The following TAF12 variants were observed in gnomAD, a reference collection of about 807,000 sequenced individuals.
TAF12 encodes TATA-box binding protein associated factor 12, also known as transcription initiation factor TFIID subunit 12.
A neutral mutation model predicts 20.8 loss-of-function variants in TAF12; 3 were observed. The observed-to-expected ratio is 0.14, with a 90% CI of 0.07 to 0.37. TAF12 has a LOEUF of 0.37. Among genes scored for constraint, TAF12 ranks in the 10% least tolerant of loss-of-function variants. The pLI is 1.00. For synonymous variants in TAF12, 69 were observed against 70.2 expected (o/e 0.98, Z 0.09); for missense variants, 131 against 197.9 (o/e 0.66, Z 2.03).
At chr1:28,632,402 T>C (rs889251574) in intron 1 of TAF12, among the ~76,000 whole-genome samples, 2 of 151,572 alleles carry the variant, frequency 1.3e-5, no homozygotes, top group Non-Finnish European at 2.9e-5. Flanking sequence ...CGCCATTGCA[T>C]CTACTCGGGA....
intron 4 of TAF12, among the ~76,000 whole-genome samples, chr1:28,610,553 G>A (rs1021898208): frequency 1.9e-4 from 29 of 152,108 alleles, no homozygotes; most frequent in African/African-American, 6.0e-4. Context: ...GGGCTGAAGC[G>A]ATCCTCCTGC....
At chr1:28,628,499 G>C (rs1667510832) in intron 1 of TAF12, among the ~76,000 whole-genome samples, 1 of 151,980 alleles carries the variant, frequency 6.6e-6, no homozygotes, top group African/African-American at 2.4e-5. Context: ...ATGTAGGAGA[G>C]GAATAGAGAC....
At chr1:28,609,828 C>T (rs1666792251) in intron 4 of TAF12, among the ~76,000 whole-genome samples, 2 of 151,872 alleles carry the variant, frequency 1.3e-5, no homozygotes, top group South Asian at 4.2e-4. Context: ...TCATCCATCT[C>T]CAGAACTCCC....
chr1:28,603,450 A>T lies in TAF12; in HGVS notation c.*89T>A. The T allele has an allele frequency of 1.1e-5, 9 of 815,358 alleles. No individual in the cohort carries two copies. Among genetic ancestry groups the T allele is most frequent in the African/African-American group, 1.8e-5 (1 of 55,708 alleles). 50.5% of individuals were successfully genotyped at this position (815,358 alleles called of 1,614,324 possible). On this transcript the variant is annotated 3_prime_UTR_variant, in exon 6 of 6. Transcript: ENST00000373824. ...AATATATGCTTCTCTGTAAAGCATTAAAAAAAAAAATCCAAGGATGAGATG... is the reference window on the plus strand; with the variant it reads ...AATATATGCTTCTCTGTAAAGCATTTAAAAAAAAAATCCAAGGATGAGATG...
At chr1:28,617,531 C>T (rs1447062556) in intron 3 of TAF12, among the ~76,000 whole-genome samples, 1 of 151,564 alleles carries the variant, frequency 6.6e-6, no homozygotes, top group Non-Finnish European at 1.5e-5. Flanking sequence ...TCACTGCACT[C>T]CGCCTCCCAG....
intron 1 of TAF12, among the ~76,000 whole-genome samples, chr1:28,638,945 CCAGCT>C (rs1667938073): frequency 6.6e-6 from 1 of 151,114 alleles, no homozygotes; most frequent in African/African-American, 2.4e-5. Flanking sequence ...GCGCCCGTGC[CCAGCT>C]AATTTTTTTT....
At chr1:28,626,819 A>G (rs1411673614) in intron 1 of TAF12, among the ~76,000 whole-genome samples, 1 of 151,934 alleles carries the variant, frequency 6.6e-6, no homozygotes, top group Non-Finnish European at 1.5e-5. Context: ...CTGAGGCAGG[A>G]GAATCACTTG....
chr1:28,629,300 T>C (rs1383409054), intron 1 of TAF12, among the ~76,000 whole-genome samples: 1 of 152,146 alleles, frequency 6.6e-6, no homozygotes, highest in Admixed American at 6.6e-5. Flanking sequence ...ATTTGAATTT[T>C]TTTCTCTGCA....
intron 2 of TAF12, among the ~76,000 whole-genome samples, chr1:28,619,647 G>GAA (rs56098932): frequency 3.7e-4 from 22 of 59,442 alleles, no homozygotes; most frequent in Admixed American, 6.7e-4. Context: ...AAATTCCACT[G>GAA]AAAAAAAAAA....
At chr1:28,645,824 G>A (rs1034237071), upstream of TAF12, among the ~76,000 whole-genome samples, 2 of 151,774 alleles carry the variant, frequency 1.3e-5, no homozygotes, top group African/African-American at 2.4e-5. Context: ...AAAATTAGCC[G>A]GGTGTAGTGG....
At chr1:28,603,664 T>C in intron 5 of TAF12, 90 bp from the exon 6 acceptor site, 8 of 1,359,138 alleles carry the variant, frequency 5.9e-6, no homozygotes, top group Non-Finnish European at 8.4e-6. Flanking sequence ...GGCCTCATGG[T>C]CTACACTGTA....
intron 1 of TAF12, chr1:28,623,908 C>G: frequency 1.0e-6 from 1 of 960,326 alleles, no homozygotes. Context: ...GAAGCACATT[C>G]ACCAAGTTCT....
At chr1:28,644,679 A>C (rs1199375853), upstream of TAF12, among the ~76,000 whole-genome samples, 2 of 152,254 alleles carry the variant, frequency 1.3e-5, no homozygotes, top group Non-Finnish European at 2.9e-5. Flanking sequence ...AGACTTATCT[A>C]GCTGGCTGAT....
upstream of TAF12, among the ~76,000 whole-genome samples, chr1:28,645,032 G>A (rs1026876142): frequency 6.6e-6 from 1 of 151,582 alleles, no homozygotes; most frequent in African/African-American, 2.4e-5. Flanking sequence ...CCAAGTAGAT[G>A]AATTTTCTTT....
chr1:28,629,050 G>A (rs898348214), intron 1 of TAF12, among the ~76,000 whole-genome samples: 2 of 152,220 alleles, frequency 1.3e-5, no homozygotes, highest in South Asian at 2.1e-4. Flanking sequence ...TAGCTGGGGT[G>A]ACAGAGCAAG....
upstream of TAF12, among the ~76,000 whole-genome samples, chr1:28,645,039 CTT>C (rs546596213): frequency 7.0e-5 from 10 of 143,378 alleles, no homozygotes; most frequent in Non-Finnish European, 6.2e-5. Flanking sequence ...GATGAATTTT[CTT>C]TTTTTTTTTT....
intron 1 of TAF12, among the ~76,000 whole-genome samples, chr1:28,630,727 A>T (rs886708109): frequency 6.6e-6 from 1 of 151,724 alleles, no homozygotes; most frequent in African/African-American, 2.4e-5. Context: ...AAAATGTAAA[A>T]CTTCTGCTCT....
At chr1:28,608,744 G>A (rs1301720294) in intron 4 of TAF12, among the ~76,000 whole-genome samples, 1 of 150,898 alleles carries the variant, frequency 6.6e-6, no homozygotes, top group Non-Finnish European at 1.5e-5. Context: ...GACAGACTGA[G>A]ACTCTGTCTC....
intron 3 of TAF12, 108 bp from the exon 4 acceptor site, chr1:28,613,469 T>C (rs1666931006): frequency 6.7e-6 from 6 of 893,404 alleles, no homozygotes; most frequent in African/African-American, 5.0e-5. Flanking sequence ...GGCATTCTAG[T>C]AGAAGGCTGG....
Sources: allele counts gnomAD v4.1 joint callset (sites outside exome capture counted in the v4.1 genomes callset), GRCh38; gene constraint gnomAD v4.1.1; transcripts MANE v1.5; gene names NCBI Gene and HGNC (gene_info 2026-07-23, HGNC 2026-07-21).